Variants in MRE11 observed in about 807,000 individuals in gnomAD.
MRE11 encodes MRE11 double strand break repair nuclease.
A neutral mutation model predicts 91.7 loss-of-function variants in MRE11; 62 were observed. That is an observed-to-expected ratio of 0.68 (90% CI 0.55 to 0.84). The LOEUF (loss-of-function observed/expected upper bound fraction) is 0.84. Among genes scored for constraint, MRE11 ranks in the 40% least tolerant of loss-of-function variants. The pLI, the probability that MRE11 is intolerant of heterozygous loss-of-function variation, is 0.00. For missense variants in MRE11, 796 were observed against 852.9 expected, an observed-to-expected ratio of 0.93 and a Z score of 0.83; for synonymous variants, 273 against 271.4, an observed-to-expected ratio of 1.01 and a Z score of -0.06.
At position 94,488,095 on chromosome 11, in the gene MRE11, A is replaced by T. The variant is rs565883651; in HGVS notation, c.154-2011T>A. ...ATTAAGGGACGCAGGGAAGAGAAAC[A>T]GTAGAAGCAGAAGTGAAGGAAAGGG... On this transcript the variant is annotated intron_variant, in intron 3 of 19. Transcript: ENST00000323929. Among the ~76,000 whole-genome samples, 3 of 152,376 alleles carry T rather than the reference A, an allele frequency of 2.0e-5. No homozygotes were observed. In the East Asian group the frequency reaches 5.8e-4, roughly 29 times the overall value.
intron 18 of MRE11, among the ~76,000 whole-genome samples, chr11:94,435,548 A>G (rs893706123): frequency 1.3e-5 from 2 of 152,132 alleles, no homozygotes; most frequent in Admixed American, 6.6e-5. Context: ...AGAATGAGGC[A>G]CTGTCTCAAA....
chr11:94,476,555 G>T (rs956359309), intron 6 of MRE11, 152 bp from the exon 7 acceptor site: 30 of 622,066 alleles, frequency 4.8e-5, no homozygotes, highest in Non-Finnish European at 7.8e-5. Flanking sequence ...AAGTGGGTAT[G>T]TTGCAGGTTC....
chr11:94,447,426 C>A lies in MRE11; in HGVS notation c.1576G>T (p.Ala526Ser). 6.2e-7 allele frequency: 1 copy of A among 1,614,072 alleles called. No homozygotes were observed. Among genetic ancestry groups the A allele is most frequent in the Non-Finnish European group, 8.5e-7 (1 of 1,180,002 alleles). ...TCTGACTGAGATCTGAGTGCTCTGG[C>A]CCTGGTCATAGCCTAAGAGGGAGAA... The part of the protein sequence containing the change: ...DDEVREAMTR[A>S]RALRSQSEES... Residue 526 changes from alanine to serine, a missense_variant, in exon 15 of 20, where the codon GCC becomes TCC. Physicochemically the swap from Ala to Ser is moderately conservative, Grantham distance 99. Coordinates refer to ENST00000323929, the MANE Select transcript of MRE11 (RefSeq NM_005591.4).
intron 16 of MRE11, among the ~76,000 whole-genome samples, chr11:94,443,718 G>C (rs1483898329): frequency 6.6e-6 from 1 of 152,154 alleles, no homozygotes; most frequent in Admixed American, 6.5e-5. Flanking sequence ...TTGCATGTGA[G>C]TACTTATTTA....
intron 14 of MRE11, among the ~76,000 whole-genome samples, chr11:94,449,577 G>A (rs374979758): frequency 3.3e-5 from 5 of 152,162 alleles, no homozygotes; most frequent in African/African-American, 1.2e-4. Context: ...TTCCACTTGT[G>A]TACTTTAAAG....
chr11:94,459,912 T>C (rs1946370604), intron 12 of MRE11, among the ~76,000 whole-genome samples: 1 of 152,118 alleles, frequency 6.6e-6, no homozygotes, highest in African/African-American at 2.4e-5. Flanking sequence ...GACCTGTGAA[T>C]ACATGGCAAA....
In MRE11 at chr11:94,479,683, ATCG is replaced by A; in HGVS notation, c.390_392del (p.Asp131del). Reference sequence around the variant, plus strand: ...AGAAAACAATAATTACCCCTGTGGGATCGTCATGATTGCCATGAATACTAAACA... The same window carrying A: ...AGAAAACAATAATTACCCCTGTGGGATCATGATTGCCATGAATACTAAACA... On this transcript the variant is annotated inframe_deletion, in exon 5 of 20. Transcript: ENST00000323929. 1 of 1,612,166 alleles carries A rather than the reference ATCG, an allele frequency of 6.2e-7. No individual in the cohort carries two copies. Among genetic ancestry groups the A allele is most frequent in the Non-Finnish European group, 8.5e-7 (1 of 1,178,828 alleles).
chr11:94,445,900 G>C lies in MRE11; in HGVS notation c.1784-7C>G. Reference sequence around the variant, plus strand: ...GTCTCCAGACCAGTGTCTGCTGTTAGAAAAATGAACAGTCAATGTACAAGC... The same window carrying C: ...GTCTCCAGACCAGTGTCTGCTGTTACAAAAATGAACAGTCAATGTACAAGC... On this transcript the variant is annotated splice_region_variant and splice_polypyrimidine_tract_variant and intron_variant, in intron 15 of 19. Transcript: ENST00000323929. 1 of 1,608,318 alleles carries C rather than the reference G, an allele frequency of 6.2e-7. No individual in the cohort carries two copies. Among genetic ancestry groups the C allele is most frequent in the South Asian group, 1.1e-5 (1 of 90,958 alleles).
intron 8 of MRE11, 74 bp downstream of exon 8, chr11:94,471,500 C>T: frequency 1.4e-6 from 2 of 1,409,658 alleles, no homozygotes; most frequent in Non-Finnish European, 2.0e-6. Context: ...TTAACATAGG[C>T]CTTAAACCTA....
At chr11:94,499,191 C>T in the MRE11 span, 3 of 153,236 alleles carry the variant, frequency 2.0e-5, no homozygotes, top group Admixed American at 6.5e-5. Context: ...GATAGTCCTA[C>T]CTCACCCTGG....
chr11:94,467,723 C>A, intron 10 of MRE11, 90 bp downstream of exon 10: 1 of 1,128,248 alleles, frequency 8.9e-7, no homozygotes. Context: ...TATGAGCACT[C>A]TCCTCACTAC....
chr11:94,420,849 G>A (rs557627406), intron 19 of MRE11, among the ~76,000 whole-genome samples: 2 of 152,254 alleles, frequency 1.3e-5, no homozygotes, highest in East Asian at 1.9e-4. Flanking sequence ...TGGCTAGCAC[G>A]GTGAAACCCC....
intron 4 of MRE11, among the ~76,000 whole-genome samples, chr11:94,484,177 A>T (rs1947080307): frequency 6.6e-6 from 1 of 152,208 alleles, no homozygotes; most frequent in Non-Finnish European, 1.5e-5. Flanking sequence ...GCCACAAGTA[A>T]ATTATGATAG....
chr11:94,427,715 C>T (rs1254889556), intron 19 of MRE11, among the ~76,000 whole-genome samples: 1 of 151,470 alleles, frequency 6.6e-6, no homozygotes, highest in East Asian at 1.9e-4. Flanking sequence ...AAAAAGTGTA[C>T]AAAAGTCAGT....
chr11:94,442,955 A>G (rs1437830594), intron 16 of MRE11, among the ~76,000 whole-genome samples: 1 of 152,220 alleles, frequency 6.6e-6, no homozygotes, highest in Non-Finnish European at 1.5e-5. Context: ...AATAAAGACA[A>G]CATGTTTGTG....
In MRE11 at chr11:94,492,778, T is replaced by A. The variant is rs754117875; in HGVS notation, c.20+4A>T. 6.2e-7 allele frequency: 1 copy of A among 1,614,052 alleles called. No individual in the cohort carries two copies. The highest frequency in any genetic ancestry group is 8.5e-7 in the Non-Finnish European group (1 of 1,179,962). On this transcript the variant is annotated splice_donor_region_variant and intron_variant, in intron 2 of 19. Coordinates refer to ENST00000323929, the MANE Select transcript of MRE11 (RefSeq NM_005591.4). ...ACAAGGGATTCCAGAAGTCAGGTGCTTACAGTGCATCTGCAGTACTCATTT... is the reference window on the plus strand; with the variant it reads ...ACAAGGGATTCCAGAAGTCAGGTGCATACAGTGCATCTGCAGTACTCATTT...
intron 19 of MRE11, among the ~76,000 whole-genome samples, chr11:94,426,466 A>G (rs545757772): frequency 1.3e-4 from 19 of 151,602 alleles, no homozygotes; most frequent in Admixed American, 7.9e-4. Flanking sequence ...TTGTTAATTT[A>G]AATCAAATTA....
In MRE11 at chr11:94,470,435, A is replaced by G. The variant is rs1186009861; in HGVS notation, c.1017+36T>C. On this transcript the variant is annotated intron_variant, in intron 9 of 19. Transcript: ENST00000323929. ...ATTGAAGGTGAATAATTCTTCAACT[A>G]AAGTAGATCTCATTGACTTTATCAA... is the stretch of plus-strand genomic sequence containing the variant. 2.5e-6 allele frequency: 4 copies of G among 1,592,454 alleles called. No homozygotes were observed. In the African/African-American group the frequency reaches 4.0e-5, roughly 16 times the overall value.
intron 6 of MRE11, among the ~76,000 whole-genome samples, chr11:94,476,741 AAC>A (rs1946870663): frequency 1.3e-5 from 2 of 151,180 alleles, no homozygotes; most frequent in South Asian, 4.2e-4. Flanking sequence ...TTCTTTTCTA[AAC>A]ACAGTCTTGC....
Sources: allele counts gnomAD v4.1 joint callset (sites outside exome capture counted in the v4.1 genomes callset), GRCh38; gene constraint gnomAD v4.1.1; transcripts MANE v1.5; gene names NCBI Gene and HGNC (gene_info 2026-07-23, HGNC 2026-07-21).